The following KASH5 variants were observed in gnomAD, a reference collection of about 807,000 sequenced individuals.
KASH5 encodes the protein protein KASH5.
KASH5 carries 72 observed loss-of-function variants against 84.2 expected under a neutral mutation model. The observed-to-expected ratio is 0.85, with a 90% CI of 0.71 to 1.04. The LOEUF is 1.04. KASH5 is among the 50% of genes least tolerant of loss of function. KASH5 has a pLI of 0.00. For synonymous variants in KASH5, 260 were observed against 279.1 expected (o/e 0.93, Z 0.68); for missense variants, 650 against 701.0 (o/e 0.93, Z 0.82).
In KASH5 at chr19:49,395,378, G is replaced by A. The variant is rs1974141575; in HGVS notation, c.335+86G>A. 6 of 1,409,150 alleles carry A rather than the reference G, an allele frequency of 4.3e-6. No homozygotes were observed. The highest frequency in any genetic ancestry group is 5.9e-6 in the Non-Finnish European group (6 of 1,019,960). 87.3% of individuals were successfully genotyped at this position (1,409,150 alleles called of 1,614,324 possible). On this transcript the variant is annotated intron_variant, in intron 4 of 19. Transcript: ENST00000447857. This position sits in a 1 kb window ranked among gnomAD's most constrained non-coding sequence, Gnocchi z 4.4. ...TGCTTACTGGAGCCAGCATCCTTTA[G>A]GCCCAAGGACCTACTGTGTTTGGAA...
rs1974832438 is a variant in KASH5 at position 49,414,598 on chromosome 19, C to A, written c.1329-353C>A. Among the ~76,000 whole-genome samples, 1 of 152,040 alleles carries A rather than the reference C, an allele frequency of 6.6e-6. No homozygotes were observed. The highest frequency in any genetic ancestry group is 2.1e-4 in the South Asian group (1 of 4,830). On this transcript the variant is annotated intron_variant, in intron 16 of 19. Coordinates refer to ENST00000447857, the MANE Select transcript of KASH5 (RefSeq NM_144688.5). The surrounding 1 kb of genome is among the most constrained non-coding windows in gnomAD (Gnocchi z 4.5). ...AAACCAATCTGAGATGAAGAGGCCC[C>A]CTTATTCTTTTAGTGGTTCACAGAC...
intron 17 of KASH5, chr19:49,415,590 C>T (rs1261544943): frequency 6.1e-6 from 1 of 163,864 alleles, no homozygotes; most frequent in African/African-American, 2.4e-5. Context: ...CTGTCAGGGC[C>T]CCTGGGGCTC....
Position 49,401,455 on chromosome 19 carries a change from G to A in KASH5, c.798+1948G>A, listed in dbSNP as rs115326653. 5.9e-3 allele frequency among the ~76,000 whole-genome samples: 898 copies of A among 152,308 alleles called. 7 individuals carry two copies. Among genetic ancestry groups the A allele is most frequent in the Middle Eastern group, 0.034 (10 of 294 alleles). On this transcript the variant is annotated intron_variant, in intron 9 of 19. Transcript: ENST00000447857. ...AGACTGGAGGACACAGGGCTGGGGT[G>A]GGCAGAGGTCTGGAGAGGACCCACC... is the stretch of plus-strand genomic sequence containing the variant.
rs540696504 is a variant in KASH5 at position 49,405,692 on chromosome 19, C to A, written c.799-1194C>A. ...TGGAGGAGAGCCGGGTGCGGTGGCTCACACCTGTAGTCCCAGCACTTTGGG... is the reference window on the plus strand; with the variant it reads ...TGGAGGAGAGCCGGGTGCGGTGGCTAACACCTGTAGTCCCAGCACTTTGGG... On this transcript the variant is annotated intron_variant, in intron 9 of 19. Transcript: ENST00000447857. Among the ~76,000 whole-genome samples the A allele has an allele frequency of 2.7e-4, 41 of 151,944 alleles. 1 individual carries two copies. The highest frequency in any genetic ancestry group is 1.0e-3 in the Admixed American group (16 of 15,250).
intron 12 of KASH5, among the ~76,000 whole-genome samples, chr19:49,408,471 T>C (rs1339404921): frequency 1.3e-5 from 2 of 151,488 alleles, no homozygotes; most frequent in Non-Finnish European, 1.5e-5. Flanking sequence ...TTTTTTGAGA[T>C]GGAGTCTGGC....
rs1453034421 is a variant in KASH5 at position 49,399,590 on chromosome 19, C to G, written c.798+83C>G. 3 of 1,552,746 alleles carry G rather than the reference C, an allele frequency of 1.9e-6. No individual in the cohort carries two copies. The highest frequency in any genetic ancestry group is 2.6e-6 in the Non-Finnish European group (3 of 1,147,512). On this transcript the variant is annotated intron_variant, in intron 9 of 19. Coordinates refer to ENST00000447857, the MANE Select transcript of KASH5 (RefSeq NM_144688.5). The surrounding 1 kb of genome is among the most constrained non-coding windows in gnomAD (Gnocchi z 4.4). ...CACCACTCCCTTCTGCCCCCAACAC[C>G]CCAGCAGCCTGTCTTGGGGAGACCT...
In KASH5 at chr19:49,417,953, C is replaced by T. The variant is rs941079595; in HGVS notation, c.*443C>T. ...CAGTGTGCAGTGGGTAGATTCAAAT[C>T]ATATTCATAATAAAAGAGAAGCAGT... On this transcript the variant is annotated 3_prime_UTR_variant, in exon 20 of 20. Transcript: ENST00000447857. This position sits in a 1 kb window ranked among gnomAD's most constrained non-coding sequence, Gnocchi z 5.2. The T allele has an allele frequency of 6.3e-6, 1 of 158,468 alleles. No homozygotes were observed. The highest frequency in any genetic ancestry group is 1.4e-5 in the Non-Finnish European group (1 of 72,622). The allele number at this position is 158,468 out of a possible 1,614,324, so 9.8% of individuals were successfully genotyped here. A position where few individuals can be genotyped will look rare whatever the true frequency, so the allele number is the denominator to read the frequency against.
rs1974142486 is a variant in KASH5, at chr19:49,395,391, A to AAAGGATGTTTTGG, written c.335+99_335+100insAAGGATGTTTTGG. 1 of 1,300,574 alleles carries AAAGGATGTTTTGG rather than the reference A, an allele frequency of 7.7e-7. No homozygotes were observed. The highest frequency in any genetic ancestry group is 1.3e-5 in the South Asian group (1 of 77,994). The allele number at this position is 1,300,574 out of a possible 1,614,324, so 80.6% of individuals were successfully genotyped here. ...CAGCATCCTTTAGGCCCAAGGACCT[A>AAAGGATGTTTTGG]CTGTGTTTGGAATGAGGCTGTGGAG... On this transcript the variant is annotated intron_variant, in intron 4 of 19. Transcript: ENST00000447857. The surrounding 1 kb of genome is among the most constrained non-coding windows in gnomAD (Gnocchi z 4.4).
intron 5 of KASH5, among the ~76,000 whole-genome samples, chr19:49,396,150 TTGC>T (rs1974169161): frequency 6.6e-6 from 1 of 152,110 alleles, no homozygotes; most frequent in African/African-American, 2.4e-5. Context: ...CCCACTGGTC[TTGC>T]TGCCCTTCCT....
In KASH5 at chr19:49,417,381, T is replaced by G. The variant is rs1330317664; in HGVS notation, c.1560T>G (p.His520Gln). 1 of 1,553,028 alleles carries G rather than the reference T, an allele frequency of 6.4e-7. No individual in the cohort carries two copies. The highest frequency in any genetic ancestry group is 2.0e-5 in the Admixed American group (1 of 51,176). The change falls in exon 20 of 20, where the codon CAT (histidine) becomes CAG (glutamine). Residue 520 changes from histidine (H) to glutamine (Q), a missense_variant. Physicochemically the swap from His to Gln is conservative, Grantham distance 24. Coordinates refer to ENST00000447857, the MANE Select transcript of KASH5 (RefSeq NM_144688.5). This position sits in a 1 kb window ranked among gnomAD's most constrained non-coding sequence, Gnocchi z 5.2. ...ACCTCCCCACCAGAGTCACTCGACA[T>G]CCACTGATCCCAGCTCCTGTCCTGG... ...LPPQRLRVTRHPLIPAPVLGL... is the reference protein window; with the variant it reads ...LPPQRLRVTRQPLIPAPVLGL...
chr19:49,413,222 G>A (rs997394427), intron 16 of KASH5, among the ~76,000 whole-genome samples, 196 bp downstream of exon 16: 1 of 152,250 alleles, frequency 6.6e-6, no homozygotes, highest in African/African-American at 2.4e-5. Context: ...AGGAGATCTG[G>A]TTCCTGACCC....
At chr19:49,392,246 G>A (rs1214074127) in intron 2 of KASH5, among the ~76,000 whole-genome samples, 3 of 152,176 alleles carry the variant, frequency 2.0e-5, no homozygotes, top group Admixed American at 2.0e-4. Context: ...TGAGATATGG[G>A]AAGGGAAGCA....
chr19:49,417,029 C>A lies in KASH5; in HGVS notation c.1389C>A (p.Val463=). ...TGTCCTTGCAGGCTGATCTCCCTGT[C>A]CCTCTAGGAGCCCCTCGCCCTGGAG... The part of the protein sequence containing the change: ...AESQVTADLP[V]PLGAPRPGDI... Residue 463 remains valine (V), a synonymous_variant, in exon 18 of 20, where the codon GTC becomes GTA. Coordinates refer to ENST00000447857, the MANE Select transcript of KASH5 (RefSeq NM_144688.5). The surrounding 1 kb of genome is among the most constrained non-coding windows in gnomAD (Gnocchi z 5.2). 1 of 1,590,790 alleles carries A rather than the reference C, an allele frequency of 6.3e-7. No homozygotes were observed.
chr19:49,412,885 G>A lies in KASH5; in HGVS notation c.1270-83G>A, dbSNP rs916758805. ...CCTTTTGTATATGGGGTCTGGGACC[G>A]GCGGGGGAGACAGTGGGCACTGTTA... On this transcript the variant is annotated intron_variant, in intron 15 of 19. Coordinates refer to ENST00000447857, the MANE Select transcript of KASH5 (RefSeq NM_144688.5). This position sits in a 1 kb window ranked among gnomAD's most constrained non-coding sequence, Gnocchi z 4.6. 5.5e-5 allele frequency: 76 copies of A among 1,378,482 alleles called. No individual in the cohort carries two copies. Among genetic ancestry groups the A allele is most frequent in the Non-Finnish European group, 7.0e-5 (69 of 989,898 alleles). 85.4% of individuals were successfully genotyped at this position (1,378,482 alleles called of 1,614,324 possible). A position where few individuals can be genotyped will look rare whatever the true frequency, so the allele number is the denominator to read the frequency against.
At chr19:49,407,440 T>G in intron 11 of KASH5, 144 bp downstream of exon 11, 1 of 1,116,780 alleles carries the variant, frequency 9.0e-7, no homozygotes, top group Admixed American at 2.1e-5. Flanking sequence ...AGGTCCCAAG[T>G]GTGACCCCTC....
intron 3 of KASH5, 125 bp from the exon 4 acceptor site, chr19:49,394,981 C>G: frequency 1.4e-6 from 1 of 706,976 alleles, no homozygotes; most frequent in Non-Finnish European, 2.3e-6. Flanking sequence ...CAGTGTGTCT[C>G]CACTGGGCCA....
chr19:49,402,904 T>G (rs1194510810), intron 9 of KASH5, among the ~76,000 whole-genome samples: 1 of 139,294 alleles, frequency 7.2e-6, no homozygotes, highest in African/African-American at 3.0e-5. Flanking sequence ...TAACCAGAGG[T>G]TTAGAAGAAG....
At chr19:49,392,643 G>T (rs1322011406) in intron 2 of KASH5, among the ~76,000 whole-genome samples, 2 of 152,132 alleles carry the variant, frequency 1.3e-5, no homozygotes, top group Non-Finnish European at 2.9e-5. Flanking sequence ...TGGGTATGGT[G>T]GCTCACACCT....
rs527307252 is a variant in KASH5 at position 49,407,154 on chromosome 19, C to T, written c.877-86C>T. ...TCAGGAGGCTGAATACGTGGGGGTGCGAGAGAACAGGTGGGGCCAGGTGGA... is the reference window on the plus strand; with the variant it reads ...TCAGGAGGCTGAATACGTGGGGGTGTGAGAGAACAGGTGGGGCCAGGTGGA... On this transcript the variant is annotated intron_variant, in intron 10 of 19. Transcript: ENST00000447857. The T allele has an allele frequency of 2.4e-4, 361 of 1,493,208 alleles. 1 individual carries two copies. The highest frequency in any genetic ancestry group is 1.5e-4 in the Non-Finnish European group (165 of 1,081,092). The allele number at this position is 1,493,208 out of a possible 1,614,324, so 92.5% of individuals were successfully genotyped here. A position where few individuals can be genotyped will look rare whatever the true frequency, so the allele number is the denominator to read the frequency against.
Sources: allele counts gnomAD v4.1 joint callset (sites outside exome capture counted in the v4.1 genomes callset), GRCh38; gene constraint gnomAD v4.1.1; non-coding constraint Gnocchi (gnomAD v3.1); transcripts MANE v1.5; gene names NCBI Gene and HGNC (gene_info 2026-07-23, HGNC 2026-07-21).